Variants in ITPR1 observed in about 807,000 individuals in gnomAD.
ITPR1 encodes inositol 1,4,5-trisphosphate receptor type 1.
A neutral mutation model predicts 318.4 loss-of-function variants in ITPR1; 96 were observed. The observed-to-expected ratio is 0.30, with a 90% CI of 0.26 to 0.36. ITPR1 has a LOEUF of 0.36. Ranked by LOEUF, ITPR1 falls within the 10% of genes least tolerant of loss-of-function variation. The probability of loss-of-function intolerance (pLI) is 1.00; values close to 1 mark genes in which losing one functional copy is unlikely to be tolerated. For synonymous variants in ITPR1, 1,312 were observed against 1,289.9 expected (o/e 1.02, Z -0.37); for missense variants, 2,440 against 3,460.2 (o/e 0.71, Z 7.40).
At chr3:4,514,335 A>G (rs979930188) in intron 2 of ITPR1, among the ~76,000 whole-genome samples, 1 of 152,220 alleles carries the variant, frequency 6.6e-6, no homozygotes, top group Non-Finnish European at 1.5e-5. Flanking sequence ...TATTATCAGA[A>G]AAGAAAATAA....
Position 4,645,380 on chromosome 3 carries a change from G to A in ITPR1, c.625-7G>A. The A allele has an allele frequency of 6.2e-7, 1 of 1,604,524 alleles. No homozygotes were observed. The highest frequency in any genetic ancestry group is 1.1e-5 in the South Asian group (1 of 90,600). On this transcript the variant is annotated splice_region_variant and splice_polypyrimidine_tract_variant and intron_variant, in intron 8 of 61. Coordinates refer to ENST00000649015, the MANE Select transcript of ITPR1 (RefSeq NM_001378452.1). ...ACGTGAAAAAATAACTCGAATCTGT[G>A]TTTCAGGTCAATTCCGTCAACTGCA... is the stretch of plus-strand genomic sequence containing the variant.
At position 4,681,346 on chromosome 3, in the gene ITPR1, T is replaced by A. The variant is rs2094295255; in HGVS notation, c.3107-18T>A. 7 of 1,595,562 alleles carry A rather than the reference T, an allele frequency of 4.4e-6. No homozygotes were observed. In the East Asian group the frequency reaches 1.6e-4, roughly 36 times the overall value. ...GCAGACCTTCCTGCATCTGAAGTGG[T>A]ATGTTCTAACTTTTCAGGTGCTCTT... is the stretch of plus-strand genomic sequence containing the variant. On this transcript the variant is annotated intron_variant, in intron 25 of 61. Coordinates refer to ENST00000649015, the MANE Select transcript of ITPR1 (RefSeq NM_001378452.1).
chr3:4,764,356 G>A (rs1019021072), intron 44 of ITPR1, among the ~76,000 whole-genome samples: 3 of 152,228 alleles, frequency 2.0e-5, no homozygotes, highest in African/African-American at 7.2e-5. Context: ...CAGTTATGGG[G>A]AGCCATAAAG....
At chr3:4,784,747 A>G (rs76774935) in intron 51 of ITPR1, among the ~76,000 whole-genome samples, 1 of 124,178 alleles carries the variant, frequency 8.1e-6, no homozygotes, top group African/African-American at 2.9e-5. Context: ...AAAAAAAAAA[A>G]TTAGCCAGGC....
chr3:4,843,133 G>A (rs4685832), intron 61 of ITPR1, among the ~76,000 whole-genome samples: 120,281 of 144,306 alleles, frequency 0.83, 50,878 homozygotes, highest in South Asian at 0.96. Flanking sequence ...CTACTAAAAG[G>A]CCAAACACTT....
rs552661279 is a variant in ITPR1 at position 4,692,419 on chromosome 3, A to G, written c.4030-1071A>G. On this transcript the variant is annotated intron_variant, in intron 32 of 61. Coordinates refer to ENST00000649015, the MANE Select transcript of ITPR1 (RefSeq NM_001378452.1). ...GTCTATAATAAATTATTTAATCTAC[A>G]TAGCACTGTGAGTTAGCTATTGTAT... Among the ~76,000 whole-genome samples, 45 of 152,352 alleles carry G rather than the reference A, an allele frequency of 3.0e-4. No homozygotes were observed. The South Asian group carries it at 6.0e-3, about 20-fold the overall frequency.
Position 4,829,996 on chromosome 3 carries a change from C to T in ITPR1, c.8029-6778C>T, listed in dbSNP as rs554235186. ...TTTTTTTTTGTGTGTGTGTGTGAAA[C>T]GGAGTCCTGCTCTGTTGCCCAGGCT... On this transcript the variant is annotated intron_variant, in intron 60 of 61. Transcript: ENST00000649015. Among the ~76,000 whole-genome samples the T allele has an allele frequency of 2.9e-5, 3 of 101,718 alleles. No homozygotes were observed. The South Asian group carries it at 1.0e-3, about 36-fold the overall frequency. 66.7% of individuals were successfully genotyped at this position (101,718 alleles called of 152,430 possible).
At chr3:4,519,306 A>G (rs1420752966) in intron 3 of ITPR1, among the ~76,000 whole-genome samples, 3 of 151,200 alleles carry the variant, frequency 2.0e-5, no homozygotes, top group Non-Finnish European at 4.4e-5. Context: ...GGCTCACTGC[A>G]CCCTCCACCT....
chr3:4,583,288 C>G (rs577259033), intron 4 of ITPR1, among the ~76,000 whole-genome samples: 1 of 152,192 alleles, frequency 6.6e-6, no homozygotes, highest in African/African-American at 2.4e-5. Context: ...ACTTCATGCT[C>G]TAAAACTCTA....
At chr3:4,643,877 C>G (rs1322583360) in intron 7 of ITPR1, among the ~76,000 whole-genome samples, 1 of 147,350 alleles carries the variant, frequency 6.8e-6, no homozygotes, top group Admixed American at 6.7e-5. Context: ...TTTTTTCCTG[C>G]TCTGAACTGG....
chr3:4,801,408 G>GA (rs1461294361), intron 54 of ITPR1, among the ~76,000 whole-genome samples: 2 of 152,200 alleles, frequency 1.3e-5, no homozygotes, highest in Non-Finnish European at 2.9e-5. Flanking sequence ...GGACTTTAGA[G>GA]AACAGGTCAT....
At chr3:4,829,380 G>A (rs1055829094) in intron 60 of ITPR1, among the ~76,000 whole-genome samples, 1 of 152,170 alleles carries the variant, frequency 6.6e-6, no homozygotes, top group African/African-American at 2.4e-5. Context: ...TTGGGACAAA[G>A]AGAACTGAAT....
intron 51 of ITPR1, among the ~76,000 whole-genome samples, chr3:4,784,511 G>T (rs1487613299): frequency 6.6e-6 from 1 of 151,816 alleles, no homozygotes; most frequent in Non-Finnish European, 1.5e-5. Flanking sequence ...AGAGCAATGG[G>T]GAACCACTGG....
At chr3:4,812,223 A>T (rs973920658) in intron 56 of ITPR1, among the ~76,000 whole-genome samples, 1 of 151,934 alleles carries the variant, frequency 6.6e-6, no homozygotes, top group Non-Finnish European at 1.5e-5. Flanking sequence ...TTTTTTGTAG[A>T]GATAGGTTCT....
rs894391382 is a variant in ITPR1, at chr3:4,527,678, T to C, written c.163+6584T>C. On this transcript the variant is annotated intron_variant, in intron 4 of 61. Transcript: ENST00000649015. Reference sequence around the variant, plus strand: ...TGCCCGGCTAGAAATAATGACAGTCTGAGTATTGTGCAGTCACCATGATAC... The same window carrying C: ...TGCCCGGCTAGAAATAATGACAGTCCGAGTATTGTGCAGTCACCATGATAC... Among the ~76,000 whole-genome samples, 4 of 152,270 alleles carry C rather than the reference T, an allele frequency of 2.6e-5. No individual in the cohort carries two copies. The East Asian group carries it at 7.7e-4, about 29-fold the overall frequency.
chr3:4,630,828 T>C (rs1173276938), intron 5 of ITPR1, among the ~76,000 whole-genome samples: 1 of 152,078 alleles, frequency 6.6e-6, no homozygotes, highest in East Asian at 1.9e-4. Flanking sequence ...CCTCAAGTGA[T>C]CCACTGCCTC....
chr3:4,523,975 G>A (rs1195683438), intron 4 of ITPR1, among the ~76,000 whole-genome samples: 4 of 152,192 alleles, frequency 2.6e-5, no homozygotes, highest in African/African-American at 9.7e-5. Flanking sequence ...TCTACAGGTG[G>A]TCACGTGACA....
chr3:4,815,020 A>G (rs999260781), intron 58 of ITPR1, 33 bp from the exon 59 acceptor site: 27 of 1,584,388 alleles, frequency 1.7e-5, no homozygotes, highest in Non-Finnish European at 2.2e-5. Context: ...GTCGCAAGGG[A>G]CCCAGACTGA....
At chr3:4,547,450 C>T (rs914581426) in intron 4 of ITPR1, among the ~76,000 whole-genome samples, 4 of 152,174 alleles carry the variant, frequency 2.6e-5, no homozygotes, top group East Asian at 1.9e-4. Flanking sequence ...CTTCCATTTC[C>T]CTCTAGATGA....
Sources: gnomAD v4.1 joint callset for allele counts (sites outside exome capture counted in the v4.1 genomes callset) on GRCh38, gnomAD v4.1.1 for gene constraint, MANE v1.5 for transcripts, NCBI Gene and HGNC (gene_info 2026-07-23, HGNC 2026-07-21) for gene names.